PABPC1L: variants seen among roughly 807,000 people sequenced by gnomAD.
PABPC1L encodes poly(A) binding protein cytoplasmic 1 like.
Under a neutral mutation model 66.6 loss-of-function variants are expected in PABPC1L, and 31 were observed. That is an observed-to-expected ratio of 0.47 (90% CI 0.35 to 0.63). The LOEUF is 0.63. Ranked by LOEUF, PABPC1L falls within the 20% of genes least tolerant of loss-of-function variation. PABPC1L has a pLI of 0.00. For missense variants in PABPC1L, 722 were observed against 848.8 expected (o/e 0.85, Z 1.86); for synonymous variants, 348 against 335.1 (o/e 1.04, Z -0.42).
At chr20:44,911,845 C>T (rs1440222421) in intron 1 of PABPC1L, among the ~76,000 whole-genome samples, 1 of 152,174 alleles carries the variant, frequency 6.6e-6, no homozygotes, top group African/African-American at 2.4e-5. Context: ...GTGGAGAATC[C>T]GGGCTTCCTG....
At position 44,930,732 on chromosome 20, in the gene PABPC1L, G is replaced by C. The variant is rs200145469; in HGVS notation, c.1239+6G>C. The C allele has an allele frequency of 3.5e-5, 57 of 1,610,962 alleles. No homozygotes were observed. Among genetic ancestry groups the C allele is most frequent in the African/African-American group, 3.2e-4 (24 of 75,034 alleles). On this transcript the variant is annotated splice_donor_region_variant and intron_variant, in intron 8 of 14. Transcript: ENST00000217073. Reference sequence around the variant, plus strand: ...TCCTGCCTGCCATGCCCCAGGTGACGGCCTGCCCGCAACTCCCACCGCAGC... The same window carrying C: ...TCCTGCCTGCCATGCCCCAGGTGACCGCCTGCCCGCAACTCCCACCGCAGC...
rs768918549 is a variant in PABPC1L at position 44,912,642 on chromosome 20, C to G, written c.194-18C>G. The G allele has an allele frequency of 4.4e-6, 7 of 1,586,220 alleles. No individual in the cohort carries two copies. Among genetic ancestry groups the G allele is most frequent in the Non-Finnish European group, 6.0e-6 (7 of 1,159,934 alleles). On this transcript the variant is annotated intron_variant, in intron 1 of 14. Coordinates refer to ENST00000217073, the MANE Select transcript of PABPC1L (RefSeq NM_001372179.1). ...ATTCCCTAAACTTGCTAATTTCTCT[C>G]CTCTTCCTTCTGTCCAGCGGAGCGG... is the stretch of plus-strand genomic sequence containing the variant.
chr20:44,920,927 C>G (rs560582491), intron 5 of PABPC1L, among the ~76,000 whole-genome samples: 1 of 149,020 alleles, frequency 6.7e-6, no homozygotes, highest in African/African-American at 2.5e-5. Flanking sequence ...ATTCTCCCAC[C>G]TCAGCCTCCT....
At chr20:44,910,800 C>T (rs1403943241) in intron 1 of PABPC1L, among the ~76,000 whole-genome samples, 1 of 152,166 alleles carries the variant, frequency 6.6e-6, no homozygotes, top group Non-Finnish European at 1.5e-5. Flanking sequence ...GCAGGAGAAC[C>T]CAGCCTTGGG....
chr20:44,930,432 A>T, intron 7 of PABPC1L, 28 bp from the exon 8 acceptor site: 2 of 1,595,800 alleles, frequency 1.3e-6, no homozygotes, highest in African/African-American at 2.7e-5. Context: ...TCCCCACCCC[A>T]GCAGCTCTTG....
chr20:44,929,987 A>C (rs2066838727), intron 7 of PABPC1L, among the ~76,000 whole-genome samples: 1 of 152,154 alleles, frequency 6.6e-6, no homozygotes, highest in Non-Finnish European at 1.5e-5. Flanking sequence ...TGTTGGGTTG[A>C]GTCCTGGCTA....
chr20:44,921,235 C>T (rs1876373315), intron 5 of PABPC1L, among the ~76,000 whole-genome samples: 1 of 151,420 alleles, frequency 6.6e-6, no homozygotes, highest in South Asian at 2.1e-4. Context: ...CCGCAACCTC[C>T]ACCTCCCAGG....
At chr20:44,915,035 T>TA (rs1410811106) in intron 2 of PABPC1L, among the ~76,000 whole-genome samples, 1 of 152,190 alleles carries the variant, frequency 6.6e-6, no homozygotes, top group African/African-American at 2.4e-5. Flanking sequence ...TCAACGTGGT[T>TA]AAATCCAAGC....
chr20:44,935,140 G>T (rs2066891598), intron 10 of PABPC1L, among the ~76,000 whole-genome samples: 1 of 151,366 alleles, frequency 6.6e-6, no homozygotes, highest in Non-Finnish European at 1.5e-5. Context: ...ATTCTTTTGG[G>T]TATATACCCA....
chr20:44,910,939 C>G (rs2066700081), intron 1 of PABPC1L, among the ~76,000 whole-genome samples: 1 of 152,220 alleles, frequency 6.6e-6, no homozygotes, highest in East Asian at 1.9e-4. Context: ...AGAGCTTGTC[C>G]GATGAGTTTG....
rs2066774701 is a variant in PABPC1L at position 44,921,682 on chromosome 20, T to C, written c.827T>C (p.Leu276Pro). 1 of 1,613,858 alleles carries C rather than the reference T, an allele frequency of 6.2e-7. No individual in the cohort carries two copies. Among genetic ancestry groups the C allele is most frequent in the African/African-American group, 1.3e-5 (1 of 74,924 alleles). The part of the protein sequence containing the change: ...AQKRVERQNE[L>P]KRRFEQMKQD... The stretch of plus-strand genomic sequence containing the variant: ...AAGCGCGTGGAGCGGCAGAATGAAC[T>C]GAAGCGCAGGTTTGAGCAGATGAAG... The change falls in exon 6 of 15, where the codon CTG becomes CCG. Residue 276 changes from leucine to proline, a missense_variant. This residue lies in a region of PABPC1L where 137 missense variants were observed against 216.8 expected (regional missense o/e 0.63). Coordinates refer to ENST00000217073, the MANE Select transcript of PABPC1L (RefSeq NM_001372179.1).
In PABPC1L at chr20:44,921,630, C is replaced by T. The variant is rs745399542; in HGVS notation, c.775C>T (p.Arg259Trp). Residue 259 changes from arginine to tryptophan, a missense_variant, in exon 6 of 15, where the codon CGG becomes TGG. Arg to Trp is a moderately radical substitution (Grantham distance 101). Transcript: ENST00000217073. ...VHMNGKEVSG[R>W]LLYAGRAQKR... is the part of the protein sequence containing the mutation. ...TATGAACGGGAAGGAGGTGAGCGGG[C>T]GGCTGCTGTACGCGGGCCGGGCCCA... 9.3e-6 allele frequency: 15 copies of T among 1,613,914 alleles called. No homozygotes were observed. Among genetic ancestry groups the T allele is most frequent in the South Asian group, 3.3e-5 (3 of 91,076 alleles).
At chr20:44,933,626 G>T (rs1403833245) in intron 10 of PABPC1L, among the ~76,000 whole-genome samples, 1 of 151,144 alleles carries the variant, frequency 6.6e-6, no homozygotes, top group Non-Finnish European at 1.5e-5. Context: ...TGTGTTTTTA[G>T]TAGAGACGGG....
chr20:44,917,337 C>T (rs1487161849), intron 3 of PABPC1L, among the ~76,000 whole-genome samples: 2 of 151,074 alleles, frequency 1.3e-5, no homozygotes, highest in Non-Finnish European at 2.9e-5. Flanking sequence ...TGACCACATG[C>T]CACCATACCT....
chr20:44,931,230 G>C (rs372796897), intron 8 of PABPC1L, among the ~76,000 whole-genome samples: 7 of 151,240 alleles, frequency 4.6e-5, no homozygotes, highest in African/African-American at 1.7e-4. Context: ...AGGCTGGAGA[G>C]CAATGGCATG....
At chr20:44,920,027 G>A (rs543459572) in intron 5 of PABPC1L, among the ~76,000 whole-genome samples, 12 of 152,070 alleles carry the variant, frequency 7.9e-5, no homozygotes, top group Non-Finnish European at 1.8e-4. Context: ...TCAGAGCAAC[G>A]TTTAGTGGAA....
At position 44,930,475 on chromosome 20, in the gene PABPC1L, G is replaced by A. The variant is rs924266395; in HGVS notation, c.988G>A (p.Gly330Ser). ...ITSAKVMTEG[G>S]HSKGFGFVCF... ...TTGCTTTTAGGTGATGACAGAGGGTGGCCACAGCAAGGGGTTTGGCTTTGT... is the reference window on the plus strand; with the variant it reads ...TTGCTTTTAGGTGATGACAGAGGGTAGCCACAGCAAGGGGTTTGGCTTTGT... The change falls in exon 8 of 15, where the codon GGC becomes AGC. Residue 330 changes from glycine to serine, a missense_variant. This residue lies in a region of PABPC1L where 137 missense variants were observed against 216.8 expected (regional missense o/e 0.63). Transcript: ENST00000217073. 6.2e-7 allele frequency: 1 copy of A among 1,613,626 alleles called. No homozygotes were observed. Among genetic ancestry groups the A allele is most frequent in the East Asian group, 2.2e-5 (1 of 44,876 alleles).
chr20:44,923,866 G>T (rs532717534), intron 6 of PABPC1L, among the ~76,000 whole-genome samples: 1 of 152,276 alleles, frequency 6.6e-6, no homozygotes, highest in South Asian at 2.1e-4. Flanking sequence ...CCTGCCACGG[G>T]ACCTGGGACA....
chr20:44,938,295 G>A (rs1193240602), intron 13 of PABPC1L, 104 bp downstream of exon 13: 4 of 1,433,440 alleles, frequency 2.8e-6, no homozygotes, highest in Non-Finnish European at 3.7e-6. Context: ...GCCAGATAAA[G>A]TGTTTCTTCT....
Sources: gnomAD v4.1 joint callset for allele counts (sites outside exome capture counted in the v4.1 genomes callset) on GRCh38, gnomAD v4.1.1 for gene constraint, gnomAD v4.1.1 regional missense constraint, MANE v1.5 for transcripts, NCBI Gene and HGNC (gene_info 2026-07-23, HGNC 2026-07-21) for gene names.